ASTN1: variants seen among roughly 807,000 people sequenced by gnomAD.
ASTN1 encodes astrotactin 1.
ASTN1 carries 41 observed loss-of-function variants against 140.7 expected under a neutral mutation model. The observed-to-expected ratio is 0.29, with a 90% CI of 0.23 to 0.38. ASTN1 has a LOEUF of 0.38. Ranked by LOEUF, ASTN1 falls within the 10% of genes least tolerant of loss-of-function variation. The probability of loss-of-function intolerance (pLI) is 1.00; values close to 1 mark genes in which losing one functional copy is unlikely to be tolerated. For synonymous variants in ASTN1, 640 were observed against 652.2 expected (o/e 0.98, Z 0.29); for missense variants, 1,479 against 1,678.8 (o/e 0.88, Z 2.08).
chr1:177,153,023 T>C (rs984646373), intron 1 of ASTN1, among the ~76,000 whole-genome samples: 5 of 152,148 alleles, frequency 3.3e-5, no homozygotes, highest in African/African-American at 1.2e-4. Flanking sequence ...TGAGTAACCA[T>C]GTGGACAGCT....
Position 177,105,519 on chromosome 1 carries a change from C to T in ASTN1, c.284-44254G>A, listed in dbSNP as rs370099381. ...ATAGATGCTTATGAAGCTGAGAGCA[C>T]AATTTGGAAATGTTCTGTGGCGATT... On this transcript the variant is annotated intron_variant, in intron 1 of 22. Coordinates refer to ENST00000361833, the MANE Select transcript of ASTN1 (RefSeq NM_004319.3). Among the ~76,000 whole-genome samples, 69 of 152,100 alleles carry T rather than the reference C, an allele frequency of 4.5e-4. 2 individuals are homozygous for T. The South Asian group carries it at 0.014, about 31-fold the overall frequency.
In ASTN1 at chr1:176,969,450, G is replaced by A. The variant is rs568644359; in HGVS notation, c.1524-4213C>T. Reference sequence around the variant, plus strand: ...GATGAGCAACCTGGACCAATCTCTCGGCCGGGTAAGCAGAGGCTTCTAAAG... The same window carrying A: ...GATGAGCAACCTGGACCAATCTCTCAGCCGGGTAAGCAGAGGCTTCTAAAG... On this transcript the variant is annotated intron_variant, in intron 8 of 22. Coordinates refer to ENST00000361833, the MANE Select transcript of ASTN1 (RefSeq NM_004319.3). Among the ~76,000 whole-genome samples, 23 of 152,244 alleles carry A rather than the reference G, an allele frequency of 1.5e-4. 1 individual carries two copies. The East Asian group carries it at 2.1e-3, about 14-fold the overall frequency.
At chr1:177,161,040 C>T (rs1647330535) in intron 1 of ASTN1, among the ~76,000 whole-genome samples, 2 of 152,136 alleles carry the variant, frequency 1.3e-5, no homozygotes, top group African/African-American at 4.8e-5. Flanking sequence ...CATACTGGGC[C>T]CTTGAATCAC....
At position 176,931,205 on chromosome 1, in the gene ASTN1, G is replaced by A. The variant is rs530325464; in HGVS notation, c.2671+2947C>T. 5.9e-5 allele frequency among the ~76,000 whole-genome samples: 9 copies of A among 152,302 alleles called. No individual in the cohort carries two copies. The South Asian group carries it at 1.0e-3, about 18-fold the overall frequency. ...AAAGAAGCTGGGCACGGTGGCTCAC[G>A]CCTGTAATCCCAGCACTTTGGGAGG... On this transcript the variant is annotated intron_variant, in intron 16 of 22. Transcript: ENST00000361833.
chr1:177,021,844 G>T (rs1571662398), intron 7 of ASTN1, among the ~76,000 whole-genome samples: 1 of 152,306 alleles, frequency 6.6e-6, no homozygotes, highest in East Asian at 1.9e-4. Context: ...GGGTACCAGA[G>T]ACTAGCTCAG....
At chr1:176,934,472 G>A in intron 15 of ASTN1, 132 bp from the exon 16 acceptor site, 2 of 841,438 alleles carry the variant, frequency 2.4e-6, no homozygotes, top group Middle Eastern at 3.7e-4. Flanking sequence ...AGCTAGAAGT[G>A]TCTGGTGAAT....
rs1012569774 is a variant in ASTN1 at position 176,868,767 on chromosome 1, A to G, written c.3647+77T>C. 5 of 1,411,648 alleles carry G rather than the reference A, an allele frequency of 3.5e-6. No individual in the cohort carries two copies. In the African/African-American group the frequency reaches 7.2e-5, roughly 20 times the overall value. 87.4% of individuals were successfully genotyped at this position (1,411,648 alleles called of 1,614,324 possible). ...TCATCCAGGAAATCTCTACAACTTC[A>G]TGGATGCAGTATTACGGCACAAGAG... On this transcript the variant is annotated intron_variant, in intron 22 of 22. Transcript: ENST00000361833.
intron 16 of ASTN1, among the ~76,000 whole-genome samples, chr1:176,913,861 C>T (rs750990085): frequency 3.3e-5 from 5 of 152,134 alleles, no homozygotes; most frequent in African/African-American, 4.8e-5. Flanking sequence ...AAGGGTGAGC[C>T]GAAGCTCAAG....
intron 2 of ASTN1, among the ~76,000 whole-genome samples, chr1:177,036,972 AC>A (rs1441167722): frequency 6.6e-6 from 1 of 152,012 alleles, no homozygotes; most frequent in African/African-American, 2.4e-5. Context: ...GGCATGCACC[AC>A]CATGCCTGGC....
At chr1:177,091,485 T>C (rs1218880941) in intron 1 of ASTN1, among the ~76,000 whole-genome samples, 2 of 152,216 alleles carry the variant, frequency 1.3e-5, no homozygotes, top group African/African-American at 2.4e-5. Flanking sequence ...TGCTATCCAA[T>C]GCAAATACTC....
At chr1:176,934,810 C>T (rs898212703) in intron 15 of ASTN1, among the ~76,000 whole-genome samples, 16 of 152,012 alleles carry the variant, frequency 1.1e-4, no homozygotes, top group East Asian at 1.9e-4. Context: ...TATGTGTACG[C>T]GCAAGGTCAC....
chr1:176,877,184 C>T (rs1437475403), intron 20 of ASTN1, among the ~76,000 whole-genome samples: 2 of 152,184 alleles, frequency 1.3e-5, no homozygotes, highest in Non-Finnish European at 2.9e-5. Context: ...ACTTGTAAGC[C>T]ACTGTGAGAA....
chr1:177,083,249 T>C (rs1198447079), intron 1 of ASTN1, among the ~76,000 whole-genome samples: 1 of 152,144 alleles, frequency 6.6e-6, no homozygotes, highest in Admixed American at 6.5e-5. Flanking sequence ...TAGGGCCATA[T>C]GTTTTTGGTT....
chr1:176,946,889 T>C (rs1343538704), intron 12 of ASTN1, among the ~76,000 whole-genome samples: 1 of 152,228 alleles, frequency 6.6e-6, no homozygotes, highest in Non-Finnish European at 1.5e-5. Context: ...GAGAAGAATT[T>C]ACATTTTTTA....
At chr1:176,940,517 AC>A (rs1671671668) in intron 14 of ASTN1, among the ~76,000 whole-genome samples, 1 of 152,236 alleles carries the variant, frequency 6.6e-6, no homozygotes. Context: ...AACTTTCTCA[AC>A]CGACAGCCTC....
chr1:177,047,487 G>A (rs116119761), intron 2 of ASTN1, among the ~76,000 whole-genome samples: 182 of 152,292 alleles, frequency 1.2e-3, no homozygotes, highest in African/African-American at 4.2e-3. Context: ...CTGAATGGAG[G>A]AACCTACTCA....
intron 8 of ASTN1, among the ~76,000 whole-genome samples, chr1:176,974,259 A>G (rs1673266907): frequency 6.6e-6 from 1 of 152,198 alleles, no homozygotes; most frequent in Non-Finnish European, 1.5e-5. Flanking sequence ...TCAACTGCAT[A>G]GGGTTGAATA....
At chr1:176,929,328 C>T (rs1223081466) in intron 16 of ASTN1, among the ~76,000 whole-genome samples, 1 of 152,152 alleles carries the variant, frequency 6.6e-6, no homozygotes, top group Admixed American at 6.5e-5. Context: ...AAAAGGGATG[C>T]AGGAGGAGTC....
At position 176,943,996 on chromosome 1, in the gene ASTN1, A is replaced by T; in HGVS notation, c.2272T>A (p.Leu758Ile). 1 of 1,614,064 alleles carries T rather than the reference A, an allele frequency of 6.2e-7. No homozygotes were observed. The highest frequency in any genetic ancestry group is 8.5e-7 in the Non-Finnish European group (1 of 1,179,984). The change falls in exon 14 of 23, where the codon TTA (leucine) becomes ATA (isoleucine). Residue 758 changes from leucine (L) to isoleucine (I), a missense_variant. By Grantham distance (5) the Leu-to-Ile change is conservative (BLOSUM62 2). Transcript: ENST00000361833. ...AGACCATCTGGCAGTTGCTGGTCTA[A>T]ACCACGAGCAAAGTTGTTTTGCCTA... is the stretch of plus-strand genomic sequence containing the variant. ...TFRQNNFARGLDQQLPDGLVV... is the reference protein window; with the variant it reads ...TFRQNNFARGIDQQLPDGLVV...
Sources: gnomAD v4.1 joint callset for allele counts (sites outside exome capture counted in the v4.1 genomes callset) on GRCh38, gnomAD v4.1.1 for gene constraint, MANE v1.5 for transcripts, NCBI Gene and HGNC (gene_info 2026-07-23, HGNC 2026-07-21) for gene names.